Variants in MAP3K20 observed in about 807,000 individuals in gnomAD.
MAP3K20 encodes the protein HCCS-4.
Under a neutral mutation model 85.7 loss-of-function variants are expected in MAP3K20, and 40 were observed. The observed-to-expected ratio is 0.47, with a 90% CI of 0.36 to 0.61. The LOEUF (loss-of-function observed/expected upper bound fraction) is 0.61. Ranked by LOEUF, MAP3K20 falls within the 20% of genes least tolerant of loss-of-function variation. The pLI is 0.00. For synonymous variants in MAP3K20, 325 were observed against 327.7 expected (o/e 0.99, Z 0.09); for missense variants, 817 against 961.7 (o/e 0.85, Z 1.99).
intron 7 of MAP3K20, among the ~76,000 whole-genome samples, chr2:173,195,735 T>G (rs1360475373): frequency 6.6e-6 from 1 of 152,160 alleles, no homozygotes; most frequent in Non-Finnish European, 1.5e-5. Context: ...TCATGAGATG[T>G]GCTGATACTG....
intron 3 of MAP3K20, among the ~76,000 whole-genome samples, chr2:173,175,279 T>C (rs1055519568): frequency 3.9e-5 from 6 of 152,196 alleles, no homozygotes; most frequent in Non-Finnish European, 8.8e-5. Flanking sequence ...GTTGACTCAT[T>C]CTTTTCTTAG....
chr2:173,137,596 C>T (rs1035001260), intron 2 of MAP3K20, among the ~76,000 whole-genome samples: 15 of 151,996 alleles, frequency 9.9e-5, no homozygotes, highest in Non-Finnish European at 1.8e-4. Context: ...TTTTCTCTCC[C>T]TCTCTTTTTT....
chr2:173,162,463 C>T (rs1197742227), intron 2 of MAP3K20, among the ~76,000 whole-genome samples: 1 of 151,924 alleles, frequency 6.6e-6, no homozygotes, highest in Non-Finnish European at 1.5e-5. Flanking sequence ...AGGCGGGCGG[C>T]TCACCTGAGG....
rs188158548 is a variant in MAP3K20, at chr2:173,263,833, A to T, written c.1640A>T (p.Gln547Leu). 2,093 of 1,613,708 alleles carry T rather than the reference A, an allele frequency of 1.3e-3. 4 individuals are homozygous for T. Among genetic ancestry groups the T allele is most frequent in the Middle Eastern group, 2.0e-3 (12 of 6,060 alleles). ...TKPQDEVKAV[Q>L]LAIQTLFTNS... ...CCTCAGGATGAAGTGAAAGCAGTCC[A>T]ACTTGCCATTCAGACATTATTCACC... The change falls in exon 19 of 20, where the codon CAA becomes CTA. Residue 547 changes from glutamine (Q) to leucine (L), a missense_variant. Physicochemically the swap from Gln to Leu is moderately radical, Grantham distance 113. This residue lies in a region of MAP3K20 where 454 missense variants were observed against 476.9 expected (regional missense o/e 0.95). Transcript: ENST00000375213.
intron 4 of MAP3K20, among the ~76,000 whole-genome samples, chr2:173,184,988 T>C (rs1318488856): frequency 6.6e-6 from 1 of 151,684 alleles, no homozygotes; most frequent in South Asian, 2.1e-4. Context: ...ACGCCTATAA[T>C]CCTAGCACTT....
intron 1 of MAP3K20, among the ~76,000 whole-genome samples, chr2:173,082,072 G>A (rs1687029500): frequency 6.6e-6 from 1 of 152,008 alleles, no homozygotes; most frequent in Non-Finnish European, 1.5e-5. Context: ...CATAATCATA[G>A]CTTATGGCAA....
At chr2:173,105,574 A>G (rs183381226) in intron 2 of MAP3K20, among the ~76,000 whole-genome samples, 11 of 152,350 alleles carry the variant, frequency 7.2e-5, no homozygotes, top group Admixed American at 3.9e-4. Context: ...TTATTATTCA[A>G]CCTTAAGAAG....
At chr2:173,253,072 C>T (rs1011362174) in intron 16 of MAP3K20, among the ~76,000 whole-genome samples, 15 of 152,302 alleles carry the variant, frequency 9.8e-5, no homozygotes, top group Admixed American at 5.9e-4. Context: ...GCCCCCTGCA[C>T]GCCCAGACTC....
At chr2:173,098,934 C>G (rs567174426) in intron 2 of MAP3K20, among the ~76,000 whole-genome samples, 1 of 152,326 alleles carries the variant, frequency 6.6e-6, no homozygotes, top group South Asian at 2.1e-4. Context: ...AGGTAGCGCC[C>G]AGCAATCTGT....
intron 6 of MAP3K20, 51 bp downstream of exon 6, chr2:173,190,974 T>C: frequency 6.2e-7 from 1 of 1,608,668 alleles, no homozygotes; most frequent in Middle Eastern, 1.7e-4. Context: ...GATGTAGATT[T>C]TTGTAACTGA....
intron 16 of MAP3K20, among the ~76,000 whole-genome samples, chr2:173,242,447 C>T (rs369764014): frequency 2.0e-5 from 3 of 151,372 alleles, no homozygotes; most frequent in African/African-American, 4.9e-5. Context: ...GGATTACAGG[C>T]GTGAGCAACT....
At chr2:173,188,950 A>G (rs901589620) in intron 5 of MAP3K20, among the ~76,000 whole-genome samples, 1 of 152,198 alleles carries the variant, frequency 6.6e-6, no homozygotes, top group Non-Finnish European at 1.5e-5. Flanking sequence ...CAAAAGAGGA[A>G]TGATTAACTA....
chr2:173,130,373 CTGAGA>C (rs1472173465), intron 2 of MAP3K20, among the ~76,000 whole-genome samples: 2 of 151,990 alleles, frequency 1.3e-5, no homozygotes, highest in African/African-American at 2.4e-5. Flanking sequence ...AAGAACTGCC[CTGAGA>C]TAATATCCAT....
chr2:173,144,260 A>G (rs752045877), intron 2 of MAP3K20, among the ~76,000 whole-genome samples: 8 of 152,006 alleles, frequency 5.3e-5, no homozygotes, highest in Admixed American at 1.3e-4. Context: ...TCACGAGATC[A>G]AGACCATCCA....
chr2:173,188,226 G>T (rs868254263), intron 5 of MAP3K20, among the ~76,000 whole-genome samples: 1 of 152,096 alleles, frequency 6.6e-6, no homozygotes, highest in Admixed American at 6.5e-5. Flanking sequence ...TTTGGAGGGT[G>T]AGCATTTTAA....
Position 173,217,099 on chromosome 2 carries a change from A to G in MAP3K20, c.852-16A>G. 6.6e-7 allele frequency: 1 copy of G among 1,516,632 alleles called. No homozygotes were observed. 93.9% of individuals were successfully genotyped at this position (1,516,632 alleles called of 1,614,324 possible). Reference sequence around the variant, plus strand: ...CTTAAGTAAAGTTGAGACTTACACCAGCTATCCCCGTGCAGGTGCGAAATT... The same window carrying G: ...CTTAAGTAAAGTTGAGACTTACACCGGCTATCCCCGTGCAGGTGCGAAATT... On this transcript the variant is annotated splice_polypyrimidine_tract_variant and intron_variant, in intron 10 of 19. Transcript: ENST00000375213.
At position 173,266,246 on chromosome 2, in the gene MAP3K20, C is replaced by T. The variant is rs758179054; in HGVS notation, c.1899C>T (p.Ser633=). 1 of 1,614,090 alleles carries T rather than the reference C, an allele frequency of 6.2e-7. No homozygotes were observed. Among genetic ancestry groups the T allele is most frequent in the Non-Finnish European group, 8.5e-7 (1 of 1,180,010 alleles). ...AACAGATTACACCTGTGAACCAGTC[C>T]AGAAGCTCGTCTCCTACTCAGTATG... is the stretch of plus-strand genomic sequence containing the variant. ...KYQQITPVNQ[S]RSSSPTQYGL... Residue 633 remains serine, a synonymous_variant, in exon 20 of 20, where the codon TCC becomes TCT. Coordinates refer to ENST00000375213, the MANE Select transcript of MAP3K20 (RefSeq NM_016653.3).
At chr2:173,132,905 T>C (rs913375344) in intron 2 of MAP3K20, among the ~76,000 whole-genome samples, 2 of 152,228 alleles carry the variant, frequency 1.3e-5, no homozygotes, top group African/African-American at 4.8e-5. Flanking sequence ...AAATAAATGT[T>C]AGAAATGTAT....
chr2:173,242,591 G>A (rs1409798107), intron 16 of MAP3K20, among the ~76,000 whole-genome samples: 1 of 151,522 alleles, frequency 6.6e-6, no homozygotes, highest in African/African-American at 2.4e-5. Context: ...GTCTGTTTTT[G>A]GTAATAATGA....
Sources: allele counts gnomAD v4.1 joint callset (sites outside exome capture counted in the v4.1 genomes callset), GRCh38; gene constraint gnomAD v4.1.1; regional missense constraint gnomAD v4.1.1; transcripts MANE v1.5; gene names NCBI Gene and HGNC (gene_info 2026-07-23, HGNC 2026-07-21).